MGAM: variants seen among roughly 807,000 people sequenced by gnomAD.
MGAM encodes the protein maltase-glucoamylase.
MGAM carries 253 observed loss-of-function variants against 358.8 expected under a neutral mutation model. The ratio of observed to expected loss-of-function variants is 0.71; its 90% CI spans 0.64 to 0.78. The LOEUF (loss-of-function observed/expected upper bound fraction) is 0.78. Ranked by LOEUF, MGAM falls within the 30% of genes least tolerant of loss-of-function variation. The pLI, the probability that MGAM is intolerant of heterozygous loss-of-function variation, is 0.00. For missense variants in MGAM, 3,080 were observed against 3,432.6 expected (o/e 0.90, Z 2.57); for synonymous variants, 1,105 against 1,227.1 (o/e 0.90, Z 2.08).
At chr7:142,040,303 A>G in intron 20 of MGAM, 132 bp downstream of exon 20, 1 of 732,446 alleles carries the variant, frequency 1.4e-6, no homozygotes, top group Non-Finnish European at 2.3e-6. Flanking sequence ...GTAATTTCAT[A>G]GCAGAACCTG....
intron 49 of MGAM, 33 bp downstream of exon 49, chr7:142,079,041 G>T: frequency 6.7e-7 from 1 of 1,492,524 alleles, no homozygotes; most frequent in Non-Finnish European, 9.3e-7. Flanking sequence ...GCAGTGATAA[G>T]ACCCTTTTCA....
Position 142,045,809 on chromosome 7 carries a change from G to A in MGAM, c.2499-1976G>A, listed in dbSNP as rs1241338468. ...TATACATATCGTATATACATACAATGTATGAATATATGATATATATTATAT... is the reference window on the plus strand; with the variant it reads ...TATACATATCGTATATACATACAATATATGAATATATGATATATATTATAT... On this transcript the variant is annotated intron_variant, in intron 21 of 70. Coordinates refer to ENST00000475668, the MANE Select transcript of MGAM (RefSeq NM_001365693.1). Among the ~76,000 whole-genome samples the A allele has an allele frequency of 3.3e-5, 4 of 121,824 alleles. No individual in the cohort carries two copies. In the South Asian group the frequency reaches 9.6e-4, roughly 29 times the overall value. The allele number at this position is 121,824 out of a possible 152,430, so 79.9% of individuals were successfully genotyped here.
At chr7:142,036,134 A>C in intron 16 of MGAM, 35 bp from the exon 17 acceptor site, 1 of 1,439,600 alleles carries the variant, frequency 6.9e-7, no homozygotes, top group Non-Finnish European at 9.7e-7. Context: ...GTTAGAAGGA[A>C]GTGAGGTATA....
At chr7:142,057,632 T>G (rs1811689991) in intron 30 of MGAM, among the ~76,000 whole-genome samples, 1 of 147,210 alleles carries the variant, frequency 6.8e-6, no homozygotes. Flanking sequence ...GTACTGGGGG[T>G]GATGGTGAAA....
At chr7:142,058,368 C>T (rs1811763475) in intron 31 of MGAM, 40 bp downstream of exon 31, 1 of 1,611,230 alleles carries the variant, frequency 6.2e-7, no homozygotes, top group South Asian at 1.1e-5. Context: ...CAAAACTAAC[C>T]CAGGTGCCTC....
At chr7:141,994,468 A>T (rs1609100), upstream of MGAM, among the ~76,000 whole-genome samples, 2 of 151,992 alleles carry the variant, frequency 1.3e-5, no homozygotes, top group African/African-American at 4.8e-5. Context: ...TCTTTGTGCA[A>T]CTGAGTCAGT....
intron 1 of MGAM, among the ~76,000 whole-genome samples, chr7:142,001,017 C>T (rs1444938139): frequency 1.1e-4 from 16 of 152,186 alleles, no homozygotes; most frequent in Admixed American, 3.3e-4. Context: ...TCTAACTCCT[C>T]TTCTTATCAG....
At chr7:142,031,652 T>A (rs1309604859) in intron 12 of MGAM, 28 bp from the exon 13 acceptor site, 23 of 1,456,098 alleles carry the variant, frequency 1.6e-5, no homozygotes, top group Non-Finnish European at 2.2e-5. Flanking sequence ...AATTTACTCT[T>A]ACCAGTGTTT....
intron 7 of MGAM, among the ~76,000 whole-genome samples, chr7:142,024,413 GGA>G (rs1491231124): frequency 4.7e-5 from 4 of 84,920 alleles, no homozygotes; most frequent in East Asian, 7.6e-4. Flanking sequence ...GACCCTGTCT[GGA>G]AAAAAAAAAA....
At chr7:142,096,518 T>G (rs372807386) in intron 65 of MGAM, 103 bp downstream of exon 65, 1 of 1,362,682 alleles carries the variant, frequency 7.3e-7, no homozygotes, top group South Asian at 1.2e-5. Flanking sequence ...AAGACATGGT[T>G]TCTTATTCTA....
chr7:142,094,316 T>G, intron 60 of MGAM, 48 bp from the exon 61 acceptor site: 1 of 1,492,472 alleles, frequency 6.7e-7, no homozygotes, highest in Non-Finnish European at 9.1e-7. Context: ...CTATGGCCTT[T>G]GCTTCCTGGC....
Position 142,042,023 on chromosome 7 carries a change from A to G in MGAM, c.2498+1177A>G, listed in dbSNP as rs1257736779. 1.4e-4 allele frequency among the ~76,000 whole-genome samples: 3 copies of G among 22,186 alleles called. No homozygotes were observed. The Admixed American group carries it at 2.7e-3, about 20-fold the overall frequency. 14.6% of individuals were successfully genotyped at this position (22,186 alleles called of 152,430 possible). A position where few individuals can be genotyped will look rare whatever the true frequency, so the allele number is the denominator to read the frequency against. Reference sequence around the variant, plus strand: ...ATTATATATATAATATAATATATATATATTATATTATATACATATAATATA... The same window carrying G: ...ATTATATATATAATATAATATATATGTATTATATTATATACATATAATATA... On this transcript the variant is annotated intron_variant, in intron 21 of 70. Transcript: ENST00000475668.
intron 57 of MGAM, among the ~76,000 whole-genome samples, chr7:142,090,979 T>A (rs1284024315): frequency 6.8e-6 from 1 of 146,226 alleles, no homozygotes; most frequent in African/African-American, 2.4e-5. Flanking sequence ...GGGCATGGTG[T>A]CTCATGCCTG....
chr7:142,095,606 T>C lies in MGAM; in HGVS notation c.7500T>C (p.Ile2500=). ...PVSWDVAFVN[I]SRTVLQTRYT... ...CCTGGGATGTTGCTTTTGTGAATAT[T>C]TCCAGAACTGTCCTGCAGACCAGAT... The change falls in exon 64 of 71, where the codon ATT becomes ATC. Residue 2500 remains isoleucine (I), a synonymous_variant. Transcript: ENST00000475668. 2 of 1,613,850 alleles carry C rather than the reference T, an allele frequency of 1.2e-6. No homozygotes were observed. The highest frequency in any genetic ancestry group is 1.7e-5 in the Admixed American group (1 of 60,020).
At chr7:142,018,077 A>G (rs895496305) in intron 3 of MGAM, among the ~76,000 whole-genome samples, 1 of 152,214 alleles carries the variant, frequency 6.6e-6, no homozygotes, top group Non-Finnish European at 1.5e-5. Flanking sequence ...CCAAAATTTA[A>G]TGGCCTAATA....
chr7:142,054,733 A>T, intron 26 of MGAM, 21 bp from the exon 27 acceptor site: 1 of 1,613,076 alleles, frequency 6.2e-7, no homozygotes, highest in Non-Finnish European at 8.5e-7. Context: ...TGTTGCCTAA[A>T]ATTGATTTCC....
rs368738284 is a variant in MGAM at position 142,027,717 on chromosome 7, C to T, written c.1203C>T (p.Arg401=). 27 of 1,611,916 alleles carry T rather than the reference C, an allele frequency of 1.7e-5. No individual in the cohort carries two copies. The highest frequency in any genetic ancestry group is 1.6e-4 in the Middle Eastern group (1 of 6,076). Residue 401 remains arginine, a synonymous_variant, in exon 10 of 71, where the codon CGC becomes CGT. Coordinates refer to ENST00000475668, the MANE Select transcript of MGAM (RefSeq NM_001365693.1). The part of the protein sequence containing the change: ...DNMREVVERN[R]AAQLPYDVQH... Reference sequence around the variant, plus strand: ...TGAGGGAAGTCGTGGAGAGAAATCGCGCAGCACAGCTCCCTTATGTAAGCA... The same window carrying T: ...TGAGGGAAGTCGTGGAGAGAAATCGTGCAGCACAGCTCCCTTATGTAAGCA...
At chr7:142,034,460 G>A in intron 15 of MGAM, 81 bp downstream of exon 15, 1 of 1,106,738 alleles carries the variant, frequency 9.0e-7, no homozygotes, top group Non-Finnish European at 1.3e-6. Context: ...AGATTATGGG[G>A]CTAATGCATA....
chr7:142,073,940 T>C lies in MGAM; in HGVS notation c.5187-145T>C, dbSNP rs1813538643. The C allele has an allele frequency of 2.4e-5, 15 of 636,356 alleles. 1 individual carries two copies. The highest frequency in any genetic ancestry group is 2.3e-4 in the South Asian group (13 of 57,640). 39.4% of individuals were successfully genotyped at this position (636,356 alleles called of 1,614,324 possible). A position where few individuals can be genotyped will look rare whatever the true frequency, so the allele number is the denominator to read the frequency against. ...TGTTGATATTATAGAAAAATGCATC[T>C]GTCGATTTTGTGTTTGTACCTCAAG... On this transcript the variant is annotated intron_variant, in intron 44 of 70. Transcript: ENST00000475668.
Sources: gnomAD v4.1 joint callset for allele counts (sites outside exome capture counted in the v4.1 genomes callset) on GRCh38, gnomAD v4.1.1 for gene constraint, MANE v1.5 for transcripts, NCBI Gene and HGNC (gene_info 2026-07-23, HGNC 2026-07-21) for gene names.